The following MTHFD1L variants were observed in gnomAD, a reference collection of about 807,000 sequenced individuals.
MTHFD1L encodes monofunctional C1-tetrahydrofolate synthase, mitochondrial.
A neutral mutation model predicts 119.5 loss-of-function variants in MTHFD1L; 81 were observed. The ratio of observed to expected loss-of-function variants is 0.68; its 90% CI spans 0.57 to 0.82. The LOEUF is 0.82. Among genes scored for constraint, MTHFD1L ranks in the 40% least tolerant of loss-of-function variants. The probability of loss-of-function intolerance (pLI) is 0.00; values close to 1 mark genes in which losing one functional copy is unlikely to be tolerated. For synonymous variants in MTHFD1L, 430 were observed against 475.2 expected, an observed-to-expected ratio of 0.90 and a Z score of 1.24; for missense variants, 1,125 against 1,253.4, an observed-to-expected ratio of 0.90 and a Z score of 1.55.
chr6:150,948,670 C>T (rs980039118), intron 15 of MTHFD1L, among the ~76,000 whole-genome samples: 7 of 148,418 alleles, frequency 4.7e-5, no homozygotes, highest in Non-Finnish European at 7.5e-5. Context: ...GATGGAGTTT[C>T]GCTCTTGTTG....
At chr6:150,989,840 C>G (rs2128441292) in intron 20 of MTHFD1L, among the ~76,000 whole-genome samples, 1 of 152,276 alleles carries the variant, frequency 6.6e-6, no homozygotes, top group East Asian at 1.9e-4. Context: ...ACCTAAATTA[C>G]TATAAAATTA....
intron 1 of MTHFD1L, chr6:150,866,478 C>A (rs978050691): frequency 7.6e-6 from 10 of 1,316,514 alleles, no homozygotes; most frequent in African/African-American, 1.6e-5. Context: ...CCGGCTGGCC[C>A]GGGGTTCGGG....
intron 4 of MTHFD1L, among the ~76,000 whole-genome samples, chr6:150,878,257 C>CTT (rs199525112): frequency 1.4e-5 from 2 of 147,334 alleles, no homozygotes; most frequent in Non-Finnish European, 1.5e-5. Context: ...CTCTCTCTCT[C>CTT]TTTTTTTTTT....
intron 26 of MTHFD1L, among the ~76,000 whole-genome samples, chr6:151,066,437 CAAAAAAAAAAAAAAAAA>C (rs35065800): frequency 2.0e-5 from 1 of 50,686 alleles, no homozygotes; most frequent in Non-Finnish European, 3.5e-5. Context: ...GACTCCATCT[CAAAAAAAAAAAAAAAAA>C]AAAAAAGAAC....
chr6:150,914,689 T>C (rs1309180703), intron 8 of MTHFD1L, among the ~76,000 whole-genome samples: 1 of 152,200 alleles, frequency 6.6e-6, no homozygotes, highest in African/African-American at 2.4e-5. Flanking sequence ...AAAGCAACAC[T>C]GTATGTGAAT....
chr6:151,040,110 C>G (rs1786865063), intron 26 of MTHFD1L, among the ~76,000 whole-genome samples: 1 of 152,072 alleles, frequency 6.6e-6, no homozygotes, highest in Non-Finnish European at 1.5e-5. Context: ...CGGAGGTGCC[C>G]AAACAGAGCA....
chr6:151,025,871 A>G (rs25517), intron 24 of MTHFD1L, among the ~76,000 whole-genome samples: 3,849 of 152,308 alleles, frequency 0.025, 109 homozygotes, highest in Admixed American at 0.092. Context: ...AGTGTTTTTC[A>G]TAGGTCTTCT....
intron 7 of MTHFD1L, among the ~76,000 whole-genome samples, chr6:150,901,189 T>C (rs1785049685): frequency 6.6e-6 from 1 of 151,296 alleles, no homozygotes; most frequent in Non-Finnish European, 1.5e-5. Context: ...TCATAAAGCA[T>C]GTGGCACAGT....
chr6:150,987,726 C>A (rs1379161556), intron 20 of MTHFD1L, among the ~76,000 whole-genome samples: 2 of 152,140 alleles, frequency 1.3e-5, no homozygotes, highest in Non-Finnish European at 2.9e-5. Context: ...ATCATACAGC[C>A]CTGTGCATAA....
intron 27 of MTHFD1L, among the ~76,000 whole-genome samples, chr6:151,093,807 G>C (rs1270468364): frequency 6.6e-6 from 1 of 152,184 alleles, no homozygotes; most frequent in Non-Finnish European, 1.5e-5. Context: ...CCATGGGACA[G>C]ACCATTTAAC....
chr6:151,019,116 T>C (rs1178035963), intron 24 of MTHFD1L, among the ~76,000 whole-genome samples: 1 of 150,992 alleles, frequency 6.6e-6, no homozygotes, highest in African/African-American at 2.4e-5. Flanking sequence ...TGGTCCTGGG[T>C]AAGGCTTGCC....
At chr6:150,866,635 G>A in intron 1 of MTHFD1L, 2 of 1,207,024 alleles carry the variant, frequency 1.7e-6, no homozygotes, top group Non-Finnish European at 1.0e-6. Context: ...GAACGGCAAA[G>A]GTGGAGCCGG....
rs767378904 is a variant in MTHFD1L, at chr6:150,936,887, A to G, written c.1340A>G (p.Asn447Ser). 4.3e-6 allele frequency: 7 copies of G among 1,613,722 alleles called. No homozygotes were observed. Among genetic ancestry groups the G allele is most frequent in the African/African-American group, 4.0e-5 (3 of 74,808 alleles). ...VQALTAHLNVNSFACLRQPSQ... is the reference protein window; with the variant it reads ...VQALTAHLNVSSFACLRQPSQ... Reference sequence around the variant, plus strand: ...GCTCTGACCGCACACCTGAATGTCAACTCCTTTGCCTGCTTGAGGCAGCCT... The same window carrying G: ...GCTCTGACCGCACACCTGAATGTCAGCTCCTTTGCCTGCTTGAGGCAGCCT... The change falls in exon 12 of 28, where the codon AAC (asparagine) becomes AGC (serine). Residue 447 changes from asparagine to serine, a missense_variant. Physicochemically the swap from Asn to Ser is conservative, Grantham distance 46. Transcript: ENST00000367321.
intron 18 of MTHFD1L, among the ~76,000 whole-genome samples, chr6:150,961,771 T>A (rs1245579243): frequency 6.6e-6 from 1 of 152,206 alleles, no homozygotes; most frequent in Non-Finnish European, 1.5e-5. Context: ...ATACTTAGTA[T>A]AAAAATTGAA....
intron 13 of MTHFD1L, among the ~76,000 whole-genome samples, chr6:150,943,834 ATACTC>A (rs1188980951): frequency 6.6e-6 from 1 of 152,210 alleles, no homozygotes; most frequent in Non-Finnish European, 1.5e-5. Context: ...TGAGGGTAAA[ATACTC>A]TATTTCTCCA....
chr6:150,888,023 TAGAAC>T (rs1782608225), intron 7 of MTHFD1L, 42 bp downstream of exon 7: 1 of 1,550,600 alleles, frequency 6.4e-7, no homozygotes, highest in Admixed American at 2.1e-5. Flanking sequence ...AGGCTTCTGT[TAGAAC>T]AGAAGAAAGT....
At chr6:150,928,872 C>T (rs970186371) in intron 11 of MTHFD1L, among the ~76,000 whole-genome samples, 5 of 152,146 alleles carry the variant, frequency 3.3e-5, no homozygotes, top group African/African-American at 1.2e-4. Context: ...GAGGGACAGA[C>T]AGCCAGGGCC....
chr6:151,091,832 C>A lies in MTHFD1L; in HGVS notation c.2848-635C>A, dbSNP rs554593605. Among the ~76,000 whole-genome samples, 10 of 152,242 alleles carry A rather than the reference C, an allele frequency of 6.6e-5. No homozygotes were observed. In the East Asian group the frequency reaches 7.7e-4, roughly 12 times the overall value. ...CAACTTTTTACTAGTGTGACCTGGG[C>A]AAGTGACTTAGCCTCTCCAAACCTC... On this transcript the variant is annotated intron_variant, in intron 26 of 27. Coordinates refer to ENST00000367321, the MANE Select transcript of MTHFD1L (RefSeq NM_015440.5).
At chr6:150,989,953 C>G (rs1778826836) in intron 20 of MTHFD1L, among the ~76,000 whole-genome samples, 1 of 152,198 alleles carries the variant, frequency 6.6e-6, no homozygotes, top group African/African-American at 2.4e-5. Flanking sequence ...TGTCTAGATT[C>G]TGCAAGAATG....
Sources: allele counts gnomAD v4.1 joint callset (sites outside exome capture counted in the v4.1 genomes callset), GRCh38; gene constraint gnomAD v4.1.1; transcripts MANE v1.5; gene names NCBI Gene and HGNC (gene_info 2026-07-23, HGNC 2026-07-21).